OGDH: variants seen among roughly 807,000 people sequenced by gnomAD.
The protein encoded by OGDH is oxoglutarate dehydrogenase.
A neutral mutation model predicts 116.6 loss-of-function variants in OGDH; 38 were observed. That is an observed-to-expected ratio of 0.33 (90% CI 0.25 to 0.43). OGDH has a LOEUF of 0.43. OGDH is among the 20% of genes least tolerant of loss of function. The pLI is 1.00. For missense variants in OGDH, 825 were observed against 1,357.2 expected, an observed-to-expected ratio of 0.61 and a Z score of 6.16; for synonymous variants, 488 against 533.3, an observed-to-expected ratio of 0.92 and a Z score of 1.17.
chr7:44,609,937 A>T (rs1784498935), intron 1 of OGDH, among the ~76,000 whole-genome samples: 1 of 152,174 alleles, frequency 6.6e-6, no homozygotes, highest in Non-Finnish European at 1.5e-5. Flanking sequence ...TCTGATGGCT[A>T]ATGATGTTGA....
intron 2 of OGDH, among the ~76,000 whole-genome samples, chr7:44,627,938 A>T (rs1167220735): frequency 2.0e-5 from 3 of 152,014 alleles, no homozygotes; most frequent in Non-Finnish European, 4.4e-5. Flanking sequence ...CAGCCTCCCA[A>T]AGTGCTGGGA....
At chr7:44,640,266 C>T (rs1223905838) in intron 2 of OGDH, among the ~76,000 whole-genome samples, 3 of 152,164 alleles carry the variant, frequency 2.0e-5, no homozygotes, top group Non-Finnish European at 4.4e-5. Context: ...TCTGCTATTA[C>T]TCAGTTAACC....
At chr7:44,630,388 A>G (rs151184638) in intron 2 of OGDH, among the ~76,000 whole-genome samples, 64 of 152,362 alleles carry the variant, frequency 4.2e-4, no homozygotes, top group African/African-American at 1.5e-3. Context: ...TCACGTGACA[A>G]GGAACAGCTG....
Position 44,667,086 on chromosome 7 carries a change from T to G in OGDH, c.633+235T>G, listed in dbSNP as rs972120916. ...CCCAACCTCTTGTATCTGGGACTAC[T>G]GGTACACACCACCATGCCCAGCTAA... On this transcript the variant is annotated intron_variant, in intron 5 of 22. Transcript: ENST00000222673. 2.6e-5 allele frequency among the ~76,000 whole-genome samples: 4 copies of G among 152,230 alleles called. No homozygotes were observed. The South Asian group carries it at 8.3e-4, about 32-fold the overall frequency.
intron 1 of OGDH, among the ~76,000 whole-genome samples, chr7:44,611,129 GCA>G (rs2117210157): frequency 6.8e-6 from 1 of 147,056 alleles, no homozygotes; most frequent in African/African-American, 2.5e-5. Flanking sequence ...AGGCTGGAGT[GCA>G]GTGGCATGAT....
intron 2 of OGDH, among the ~76,000 whole-genome samples, chr7:44,629,025 G>A (rs1407591809): frequency 2.0e-5 from 3 of 151,902 alleles, no homozygotes; most frequent in South Asian, 4.2e-4. Context: ...AGCCTTCAGC[G>A]GTGGCCTGGG....
In OGDH at chr7:44,703,589, G is replaced by A. The variant is rs559182264; in HGVS notation, c.2632+1974G>A. Reference sequence around the variant, plus strand: ...ACAAAAATTAGCTGGGCATGGTGGCGCGCACCCGTAATCCCAGCTACTCAG... The same window carrying A: ...ACAAAAATTAGCTGGGCATGGTGGCACGCACCCGTAATCCCAGCTACTCAG... On this transcript the variant is annotated intron_variant, in intron 20 of 22. Coordinates refer to ENST00000222673, the MANE Select transcript of OGDH (RefSeq NM_002541.4). Among the ~76,000 whole-genome samples the A allele has an allele frequency of 2.0e-4, 31 of 151,792 alleles. No individual in the cohort carries two copies. In the South Asian group the frequency reaches 5.6e-3, roughly 27 times the overall value.
At chr7:44,615,130 C>A (rs1047115979) in intron 1 of OGDH, among the ~76,000 whole-genome samples, 7 of 152,192 alleles carry the variant, frequency 4.6e-5, no homozygotes, top group Non-Finnish European at 8.8e-5. Flanking sequence ...CATGCCCGGA[C>A]AAGATTATCC....
intron 9 of OGDH, chr7:44,676,685 CT>C: frequency 2.8e-6 from 1 of 355,916 alleles, no homozygotes; most frequent in Non-Finnish European, 3.9e-6. Flanking sequence ...AACAGTCCTG[CT>C]TACAGTGTTC....
chr7:44,618,607 C>T (rs1309429459), intron 1 of OGDH, among the ~76,000 whole-genome samples: 2 of 152,180 alleles, frequency 1.3e-5, no homozygotes, highest in Non-Finnish European at 2.9e-5. Flanking sequence ...CCTGAAGTAG[C>T]TTCCAAACAG....
At chr7:44,653,770 C>G (rs568038657) in intron 4 of OGDH, among the ~76,000 whole-genome samples, 1 of 152,318 alleles carries the variant, frequency 6.6e-6, no homozygotes, top group African/African-American at 2.4e-5. Flanking sequence ...ATGTAATCCA[C>G]CTGCCTAGGC....
At chr7:44,685,737 G>C (rs1788100621) in intron 10 of OGDH, among the ~76,000 whole-genome samples, 1 of 151,888 alleles carries the variant, frequency 6.6e-6, no homozygotes, top group Admixed American at 6.6e-5. Flanking sequence ...CCCCACCTCA[G>C]CTTCCAAAAT....
rs143833241 is a variant in OGDH, at chr7:44,616,973, C to T, written c.-27-7344C>T. On this transcript the variant is annotated intron_variant, in intron 1 of 22. Transcript: ENST00000222673. ...TCGGAGCTCTGGAGTCTCACTCTGT[C>T]GTCCAGGCTGGAGTGCAGTGGCGCG... 2.0e-3 allele frequency among the ~76,000 whole-genome samples: 278 copies of T among 136,012 alleles called. 2 individuals carry two copies. The highest frequency in any genetic ancestry group is 7.0e-3 in the African/African-American group (266 of 37,744). 89.2% of individuals were successfully genotyped at this position (136,012 alleles called of 152,430 possible). A position where few individuals can be genotyped will look rare whatever the true frequency, so the allele number is the denominator to read the frequency against.
chr7:44,614,601 TC>T (rs1166940415), intron 1 of OGDH, among the ~76,000 whole-genome samples: 5 of 152,136 alleles, frequency 3.3e-5, no homozygotes, highest in Non-Finnish European at 7.4e-5. Context: ...AAAGCTTTTT[TC>T]TTTTGCTTAG....
intron 2 of OGDH, among the ~76,000 whole-genome samples, chr7:44,629,867 A>G (rs554331115): frequency 2.8e-4 from 43 of 152,312 alleles, no homozygotes; most frequent in African/African-American, 9.9e-4. Flanking sequence ...GGCGTGAGCC[A>G]TCATGCCCGG....
intron 5 of OGDH, among the ~76,000 whole-genome samples, chr7:44,667,263 G>A (rs1423213554): frequency 6.6e-6 from 1 of 152,122 alleles, no homozygotes; most frequent in Admixed American, 6.5e-5. Context: ...AAATTGTAAG[G>A]GAAGGAGGAC....
intron 1 of OGDH, among the ~76,000 whole-genome samples, chr7:44,608,438 C>T (rs1244881734): frequency 6.6e-6 from 1 of 151,906 alleles, no homozygotes; most frequent in Admixed American, 6.6e-5. Context: ...GTGGCTCACG[C>T]CTGTAATCCT....
At position 44,612,006 on chromosome 7, in the gene OGDH, G is replaced by A. The variant is rs185653679; in HGVS notation, c.-28+5353G>A. Among the ~76,000 whole-genome samples, 201 of 151,976 alleles carry A rather than the reference G, an allele frequency of 1.3e-3. 2 individuals are homozygous for A. The highest frequency in any genetic ancestry group is 4.8e-3 in the African/African-American group (197 of 41,430). On this transcript the variant is annotated intron_variant, in intron 1 of 22. Transcript: ENST00000222673. Reference sequence around the variant, plus strand: ...TACATATGTATACATGTGCCATGTTGGTGTGCTGCACCCATTAACTCGTCA... The same window carrying A: ...TACATATGTATACATGTGCCATGTTAGTGTGCTGCACCCATTAACTCGTCA...
chr7:44,676,914 T>C (rs1300804572), intron 9 of OGDH, among the ~76,000 whole-genome samples: 1 of 152,018 alleles, frequency 6.6e-6, no homozygotes, highest in Non-Finnish European at 1.5e-5. Context: ...CTTGCTGTGA[T>C]TAGAGGCGGG....
Sources: allele counts gnomAD v4.1 joint callset (sites outside exome capture counted in the v4.1 genomes callset), GRCh38; gene constraint gnomAD v4.1.1; transcripts MANE v1.5; gene names NCBI Gene and HGNC (gene_info 2026-07-23, HGNC 2026-07-21).